The following ATP6V1B1 variants were observed in gnomAD, a reference collection of about 807,000 sequenced individuals.
ATP6V1B1 encodes ATPase H+ transporting V1 subunit B1.
In ATP6V1B1, 41 loss-of-function variants were observed where a neutral mutation model predicts 62.1. The ratio of observed to expected loss-of-function variants is 0.66; its 90% CI spans 0.51 to 0.86. The LOEUF is 0.86. Among genes scored for constraint, ATP6V1B1 ranks in the 40% least tolerant of loss-of-function variants. ATP6V1B1 has a pLI of 0.00. For missense variants in ATP6V1B1, 651 were observed against 697.5 expected, an observed-to-expected ratio of 0.93 and a Z score of 0.75; for synonymous variants, 253 against 273.4, an observed-to-expected ratio of 0.93 and a Z score of 0.74.
At chr2:70,957,837 T>C in intron 2 of ATP6V1B1, 1 of 590,212 alleles carries the variant, frequency 1.7e-6, no homozygotes, top group East Asian at 2.9e-5. Flanking sequence ...GTTTCAGCTG[T>C]AACCTGGTCT....
At chr2:70,940,911 T>C (rs1408676859) in intron 1 of ATP6V1B1, 9 of 214,308 alleles carry the variant, frequency 4.2e-5, no homozygotes, top group Middle Eastern at 2.7e-3. Flanking sequence ...CTTTTTCTTT[T>C]TCTTTTTTTT....
At chr2:70,938,473 C>T in intron 1 of ATP6V1B1, 1 of 880,222 alleles carries the variant, frequency 1.1e-6, no homozygotes, top group South Asian at 5.2e-5. Context: ...GCAGGGAGGC[C>T]CCAGTGCTCG....
intron 2 of ATP6V1B1, among the ~76,000 whole-genome samples, chr2:70,945,715 T>TATAC (rs1230825285): frequency 8.3e-6 from 1 of 120,816 alleles, no homozygotes; most frequent in Admixed American, 8.0e-5. Context: ...TATATATATA[T>TATAC]ATATATATAT....
chr2:70,960,111 G>A, intron 6 of ATP6V1B1, 33 bp downstream of exon 6: 2 of 1,613,474 alleles, frequency 1.2e-6, no homozygotes, highest in South Asian at 2.2e-5. Flanking sequence ...GCATGGCTGG[G>A]GGAGGGACAG....
intron 1 of ATP6V1B1, among the ~76,000 whole-genome samples, chr2:70,938,217 G>C (rs781826189): frequency 6.6e-6 from 1 of 152,000 alleles, no homozygotes; most frequent in African/African-American, 2.4e-5. Flanking sequence ...TCCCCTCCCC[G>C]CCTCACTCAC....
chr2:70,952,462 C>CAAA (rs782618453), intron 2 of ATP6V1B1, among the ~76,000 whole-genome samples: 1 of 103,050 alleles, frequency 9.7e-6, no homozygotes, highest in African/African-American at 3.6e-5. Flanking sequence ...GACTCTGTCT[C>CAAA]AAAAAAAAAA....
In ATP6V1B1 at chr2:70,959,906, C is replaced by G; in HGVS notation, c.446-33C>G. 1 of 1,614,022 alleles carries G rather than the reference C, an allele frequency of 6.2e-7. No individual in the cohort carries two copies. The highest frequency in any genetic ancestry group is 8.5e-7 in the Non-Finnish European group (1 of 1,180,014). On this transcript the variant is annotated intron_variant, in intron 5 of 13. Transcript: ENST00000234396. The surrounding 1 kb of genome is among the most constrained non-coding windows in gnomAD (Gnocchi z 4.2). ...AGGAGAGCAGGGAAGGGTTTGAACC[C>G]CTGAGCATGGCTCTGTGATCGCCCT...
At chr2:70,936,167 A>G (rs1553415341) in intron 1 of ATP6V1B1, 95 bp downstream of exon 1, 6 of 1,336,168 alleles carry the variant, frequency 4.5e-6, no homozygotes, top group African/African-American at 1.4e-5. Flanking sequence ...TCAGAAAAGG[A>G]GGAGGACCCA....
chr2:70,962,640 G>T (rs1680616758), intron 8 of ATP6V1B1, 137 bp from the exon 9 acceptor site: 3 of 1,410,410 alleles, frequency 2.1e-6, no homozygotes, highest in African/African-American at 2.8e-5. Context: ...GGGGATGGGG[G>T]CAAGGGCTCA....
rs1248721339 is a variant in ATP6V1B1 at position 70,941,974 on chromosome 2, G to C, written c.119-1684G>C. ...AAGGTGGGGAAGGAAAGCCAGCAGTGGGGGGCCATGCTTGTGAGGGGAGGA... is the reference window on the plus strand; with the variant it reads ...AAGGTGGGGAAGGAAAGCCAGCAGTCGGGGGCCATGCTTGTGAGGGGAGGA... On this transcript the variant is annotated intron_variant, in intron 1 of 13. Coordinates refer to ENST00000234396, the MANE Select transcript of ATP6V1B1 (RefSeq NM_001692.4). 3.9e-6 allele frequency: 4 copies of C among 1,016,922 alleles called. No homozygotes were observed. The African/African-American group carries it at 6.8e-5, about 17-fold the overall frequency. 63.0% of individuals were successfully genotyped at this position (1,016,922 alleles called of 1,614,324 possible).
rs1337551271 is a variant in ATP6V1B1 at position 70,940,621 on chromosome 2, C to G, written c.119-3037C>G. 1.4e-5 allele frequency: 14 copies of G among 985,270 alleles called. No individual in the cohort carries two copies. The African/African-American group carries it at 2.4e-4, about 17-fold the overall frequency. The allele number at this position is 985,270 out of a possible 1,614,324, so 61.0% of individuals were successfully genotyped here. A position where few individuals can be genotyped will look rare whatever the true frequency, so the allele number is the denominator to read the frequency against. On this transcript the variant is annotated intron_variant, in intron 1 of 13. Transcript: ENST00000234396. The stretch of plus-strand genomic sequence containing the variant: ...TAATGCCCAAGCCTCTGTCTCCTAC[C>G]CTTTCTCGTTGAGGAGTCTTCCTAT...
At chr2:70,961,734 G>T (rs1322487430) in intron 8 of ATP6V1B1, 41 bp downstream of exon 8, 24 of 1,586,904 alleles carry the variant, frequency 1.5e-5, no homozygotes, top group Non-Finnish European at 2.0e-5. Flanking sequence ...CAGGTGGGCA[G>T]ACCCCGTCCC....
At position 70,963,449 on chromosome 2, in the gene ATP6V1B1, C is replaced by T. The variant is rs1489782146; in HGVS notation, c.1061-123C>T. 4.6e-6 allele frequency: 7 copies of T among 1,527,272 alleles called. No homozygotes were observed. The African/African-American group carries it at 9.6e-5, about 21-fold the overall frequency. 94.6% of individuals were successfully genotyped at this position (1,527,272 alleles called of 1,614,324 possible). A position where few individuals can be genotyped will look rare whatever the true frequency, so the allele number is the denominator to read the frequency against. On this transcript the variant is annotated intron_variant, in intron 10 of 13. Transcript: ENST00000234396. The surrounding 1 kb of genome is among the most constrained non-coding windows in gnomAD (Gnocchi z 4.3). ...CCATCGAGATAGACACTGCCCTTTCCTCCACCATCCATGCCCCCCACACAT... is the reference window on the plus strand; with the variant it reads ...CCATCGAGATAGACACTGCCCTTTCTTCCACCATCCATGCCCCCCACACAT...
At chr2:70,941,309 G>A in intron 1 of ATP6V1B1, 8 of 985,564 alleles carry the variant, frequency 8.1e-6, no homozygotes, top group Non-Finnish European at 9.6e-6. Context: ...TGCCCTCCTG[G>A]AGGTGACAGG....
Position 70,957,087 on chromosome 2 carries a change from C to CT in ATP6V1B1, c.175-941dup, listed in dbSNP as rs56407020. 3.3e-3 allele frequency among the ~76,000 whole-genome samples: 417 copies of CT among 125,098 alleles called. 4 individuals are homozygous for CT. The highest frequency in any genetic ancestry group is 0.011 in the South Asian group (43 of 3,854). The allele number at this position is 125,098 out of a possible 152,430, so 82.1% of individuals were successfully genotyped here. ...TTATTATGGTTTAAAAGTTCTTCTT[C>CT]TTTTTTTTTTTTTTTTTTGGATGGA... On this transcript the variant is annotated intron_variant, in intron 2 of 13. Coordinates refer to ENST00000234396, the MANE Select transcript of ATP6V1B1 (RefSeq NM_001692.4).
In ATP6V1B1 at chr2:70,943,387, C is replaced by G. The variant is rs540279650; in HGVS notation, c.119-271C>G. On this transcript the variant is annotated intron_variant, in intron 1 of 13. Coordinates refer to ENST00000234396, the MANE Select transcript of ATP6V1B1 (RefSeq NM_001692.4). Reference sequence around the variant, plus strand: ...AAGCAGCCTCAGGGATGAGAGGCCTCTGTGTGGTGGGGGCGGACTCTGAGG... The same window carrying G: ...AAGCAGCCTCAGGGATGAGAGGCCTGTGTGTGGTGGGGGCGGACTCTGAGG... The G allele has an allele frequency of 5.2e-4, 317 of 608,744 alleles. 4 individuals are homozygous for G. In the South Asian group the frequency reaches 5.6e-3, roughly 11 times the overall value. The allele number at this position is 608,744 out of a possible 1,614,324, so 37.7% of individuals were successfully genotyped here.
chr2:70,962,252 G>A (rs2104830398), intron 8 of ATP6V1B1, among the ~76,000 whole-genome samples: 1 of 152,276 alleles, frequency 6.6e-6, no homozygotes, highest in East Asian at 1.9e-4. Flanking sequence ...TCATAGGGCT[G>A]GCAAGCATAG....
intron 4 of ATP6V1B1, 60 bp downstream of exon 4, chr2:70,958,486 C>G: frequency 6.7e-7 from 1 of 1,499,390 alleles, no homozygotes; most frequent in Non-Finnish European, 9.3e-7. Context: ...CCCAGCTTCT[C>G]TGACCAAACC....
chr2:70,946,605 A>G (rs1553417362), intron 2 of ATP6V1B1, among the ~76,000 whole-genome samples: 1 of 152,222 alleles, frequency 6.6e-6, no homozygotes, highest in African/African-American at 2.4e-5. Context: ...TTAAATAATA[A>G]TAGGATTATT....
Sources: gnomAD v4.1 joint callset for allele counts (sites outside exome capture counted in the v4.1 genomes callset) on GRCh38, gnomAD v4.1.1 for gene constraint, Gnocchi (gnomAD v3.1) non-coding constraint, MANE v1.5 for transcripts, NCBI Gene and HGNC (gene_info 2026-07-23, HGNC 2026-07-21) for gene names.